NCOR2: variants seen among roughly 807,000 people sequenced by gnomAD.
The protein encoded by NCOR2 is nuclear receptor corepressor 2, also known as CTG repeat protein 26.
NCOR2 carries 81 observed loss-of-function variants against 262.9 expected under a neutral mutation model. The observed-to-expected ratio is 0.31, with a 90% CI of 0.26 to 0.37. The LOEUF is 0.37. NCOR2 is among the 10% of genes least tolerant of loss of function. The pLI is 1.00. For missense variants in NCOR2, 3,385 were observed against 3,621.4 expected, an observed-to-expected ratio of 0.93 and a Z score of 1.68; for synonymous variants, 1,659 against 1,559.3, an observed-to-expected ratio of 1.06 and a Z score of -1.51.
chr12:124,507,973 C>T (rs1437986478), intron 1 of NCOR2, among the ~76,000 whole-genome samples: 2 of 152,346 alleles, frequency 1.3e-5, no homozygotes, highest in Admixed American at 1.3e-4. Flanking sequence ...TTTATGGGGT[C>T]GCCTCTAGTA....
intron 19 of NCOR2, 49 bp downstream of exon 21, chr12:124,374,364 C>T: frequency 1.3e-6 from 2 of 1,589,398 alleles, no homozygotes; most frequent in Non-Finnish European, 1.7e-6. Flanking sequence ...CCTTGGGATG[C>T]CCGCCCCGGC....
At chr12:124,335,021 G>T in intron 40 of NCOR2, 114 bp downstream of exon 42, 1 of 1,528,872 alleles carries the variant, frequency 6.5e-7, no homozygotes. Context: ...CCATGCCCTG[G>T]ATCCCCCAGC....
At position 124,385,869 on chromosome 12, in the gene NCOR2, C is replaced by T. The variant is rs1450033538; in HGVS notation, c.1895G>A (p.Arg632His). The T allele has an allele frequency of 2.5e-6, 4 of 1,613,482 alleles. No individual in the cohort carries two copies. The highest frequency in any genetic ancestry group is 3.4e-6 in the Non-Finnish European group (4 of 1,179,868). Residue 632 changes from arginine (R) to histidine (H), a missense_variant, in exon 17 of 47, where the codon CGC becomes CAC. Around this residue, in one of 5 missense-constraint regions of NCOR2, gnomAD observed 515 missense variants for 781.2 expected, o/e 0.66. Transcript: ENST00000405201. ...CATCCGGGCGATGGCCGACCAGTTGCGGCCGTGTTCCAGGAGACCTGTCTC... is the reference window on the plus strand; with the variant it reads ...CATCCGGGCGATGGCCGACCAGTTGTGGCCGTGTTCCAGGAGACCTGTCTC...
At position 124,378,488 on chromosome 12, in the gene NCOR2, GGC is replaced by G; in HGVS notation, c.2020-106_2020-105del. The G allele has an allele frequency of 1.6e-6, 2 of 1,219,452 alleles. No homozygotes were observed. The highest frequency in any genetic ancestry group is 2.2e-6 in the Non-Finnish European group (2 of 895,272). The allele number at this position is 1,219,452 out of a possible 1,614,324, so 75.5% of individuals were successfully genotyped here. A position where few individuals can be genotyped will look rare whatever the true frequency, so the allele number is the denominator to read the frequency against. On this transcript the variant is annotated intron_variant, in intron 17 of 46. Coordinates refer to ENST00000405201, the Ensembl canonical transcript of NCOR2. This position sits in a 1 kb window ranked among gnomAD's most constrained non-coding sequence, Gnocchi z 4.2. ...CGCAGGTGCAAAGGGCAGTGATCCC[GGC>G]CATGTAGCAATGAGGGTGACCGTCC... is the stretch of plus-strand genomic sequence containing the variant.
rs2044056482 is a variant in NCOR2 at position 124,432,950 on chromosome 12, A to G, written c.883-2163T>C. Among the ~76,000 whole-genome samples, 1 of 152,166 alleles carries G rather than the reference A, an allele frequency of 6.6e-6. No individual in the cohort carries two copies. Among genetic ancestry groups the G allele is most frequent in the Non-Finnish European group, 1.5e-5 (1 of 68,012 alleles). On this transcript the variant is annotated intron_variant, in intron 8 of 46. Coordinates refer to ENST00000405201, the Ensembl canonical transcript of NCOR2. The surrounding 1 kb of genome is among the most constrained non-coding windows in gnomAD (Gnocchi z 5.1). The stretch of plus-strand genomic sequence containing the variant: ...CCACCTCTAACAGCTGGGGGTGGAC[A>G]GACGGTGTGATCTGGGAGCCTCCAC...
At chr12:124,427,762 C>T (rs2043640037) in intron 10 of NCOR2, among the ~76,000 whole-genome samples, 2 of 152,160 alleles carry the variant, frequency 1.3e-5, no homozygotes, top group Non-Finnish European at 2.9e-5. Context: ...AATGGCAGGA[C>T]CCCCGGCACG....
chr12:124,530,212 T>C (rs2050707246), intron 1 of NCOR2: 1 of 151,862 alleles, frequency 6.6e-6, no homozygotes, highest in Admixed American at 6.6e-5. Flanking sequence ...TATAATAAAA[T>C]GATAATTTTA....
At chr12:124,371,395 G>A (rs974306089) in intron 20 of NCOR2, among the ~76,000 whole-genome samples, 2 of 152,192 alleles carry the variant, frequency 1.3e-5, no homozygotes, top group African/African-American at 4.8e-5. Flanking sequence ...GACCTTATTT[G>A]GAAATAGACT....
rs998030983 is a variant in NCOR2 at position 124,525,968 on chromosome 12, GT to G, written c.-118+9596del. Among the ~76,000 whole-genome samples, 56 of 152,302 alleles carry G rather than the reference GT, an allele frequency of 3.7e-4. 1 individual carries two copies. Among genetic ancestry groups the G allele is most frequent in the Admixed American group, 3.1e-3 (48 of 15,298 alleles). On this transcript the variant is annotated intron_variant, in intron 1 of 46. Coordinates refer to the NCOR2 transcript ENST00000404621. ...GTGCACGTTAGAAATTGTAGTTAAT[GT>G]TAATAATAATAATACTGGCAACTCA...
At chr12:124,433,915 G>A (rs1465793047) in intron 8 of NCOR2, among the ~76,000 whole-genome samples, 1 of 27,282 alleles carries the variant, frequency 3.7e-5, no homozygotes, top group Admixed American at 3.7e-4. Context: ...CACACACACA[G>A]GGAAAGACTG....
At chr12:124,334,006 ATG>A (rs1167077742) in intron 41 of NCOR2, among the ~76,000 whole-genome samples, 26 of 151,556 alleles carry the variant, frequency 1.7e-4, no homozygotes, top group Non-Finnish European at 3.4e-4. Context: ...GTGTGTGCGC[ATG>A]TGTGTGGGTG....
chr12:124,455,338 G>A (rs1483184313), intron 6 of NCOR2, among the ~76,000 whole-genome samples: 7 of 152,216 alleles, frequency 4.6e-5, no homozygotes, highest in Non-Finnish European at 1.0e-4. Context: ...AGAGAAGCAC[G>A]ACCCTAGGCC....
intron 8 of NCOR2, among the ~76,000 whole-genome samples, chr12:124,431,288 CACAT>C (rs1239111729): frequency 2.7e-5 from 4 of 150,016 alleles, no homozygotes; most frequent in East Asian, 3.9e-4. Flanking sequence ...CACAGACACA[CACAT>C]ACAGTCACAG....
At chr12:124,461,538 G>A (rs548442648) in intron 5 of NCOR2, among the ~76,000 whole-genome samples, 7 of 152,324 alleles carry the variant, frequency 4.6e-5, no homozygotes, top group South Asian at 2.1e-4. Context: ...ACGGGTCCAC[G>A]GGAGCACCAG....
chr12:124,394,339 G>A (rs2041519288), intron 16 of NCOR2, among the ~76,000 whole-genome samples: 1 of 152,212 alleles, frequency 6.6e-6, no homozygotes, highest in Non-Finnish European at 1.5e-5. Flanking sequence ...GCTGCTTGTA[G>A]CTACAAAGTG....
At chr12:124,405,008 C>T (rs1005979181) in intron 13 of NCOR2, among the ~76,000 whole-genome samples, 2 of 152,176 alleles carry the variant, frequency 1.3e-5, no homozygotes, top group Non-Finnish European at 2.9e-5. Flanking sequence ...TGGGGCCCTG[C>T]TGCCCCCAGA....
At chr12:124,472,123 G>A (rs904167534) in intron 4 of NCOR2, among the ~76,000 whole-genome samples, 1 of 152,234 alleles carries the variant, frequency 6.6e-6, no homozygotes, top group Non-Finnish European at 1.5e-5. Flanking sequence ...TCCTGTACAA[G>A]GCTGACAGTG....
intron 1 of NCOR2, among the ~76,000 whole-genome samples, chr12:124,491,753 C>T (rs577466683): frequency 3.9e-5 from 6 of 152,212 alleles, no homozygotes; most frequent in Admixed American, 6.5e-5. Flanking sequence ...CGTTGATCTC[C>T]GGGAAAACAA....
chr12:124,354,415 G>C, intron 26 of NCOR2, 63 bp downstream of exon 28: 3 of 1,376,692 alleles, frequency 2.2e-6, no homozygotes, highest in Non-Finnish European at 2.9e-6. Context: ...TTGAATAAAG[G>C]GCCCTTTGGG....
Sources: gnomAD v4.1 joint callset for allele counts (sites outside exome capture counted in the v4.1 genomes callset) on GRCh38, gnomAD v4.1.1 for gene constraint, gnomAD v4.1.1 regional missense constraint, Gnocchi (gnomAD v3.1) non-coding constraint, MANE v1.5 for transcripts, NCBI Gene and HGNC (gene_info 2026-07-23, HGNC 2026-07-21) for gene names.